Variants in ZBTB24 observed in about 807,000 individuals in gnomAD.
ZBTB24 encodes zinc finger and BTB domain containing 24.
ZBTB24 carries 32 observed loss-of-function variants against 53.8 expected under a neutral mutation model. The ratio of observed to expected loss-of-function variants is 0.60; its 90% confidence interval spans 0.45 to 0.80. ZBTB24 has a LOEUF of 0.80. ZBTB24 is among the 30% of genes least tolerant of loss of function. The pLI is 0.00. For synonymous variants in ZBTB24, 297 were observed against 306.7 expected, an observed-to-expected ratio of 0.97 and a Z score of 0.33; for missense variants, 722 against 837.1, an observed-to-expected ratio of 0.86 and a Z score of 1.70.
intron 5 of ZBTB24, among the ~76,000 whole-genome samples, chr6:109,472,211 C>G (rs977448124): frequency 6.6e-6 from 1 of 152,138 alleles, no homozygotes; most frequent in African/African-American, 2.4e-5. Context: ...AACATTCAAG[C>G]AGATTCTCCA....
intron 2 of ZBTB24, among the ~76,000 whole-genome samples, chr6:109,479,440 C>G (rs1170710704): frequency 2.0e-5 from 3 of 152,198 alleles, no homozygotes; most frequent in Non-Finnish European, 2.9e-5. Flanking sequence ...AAGATCAAAA[C>G]TCAGAATTCA....
At position 109,481,814 on chromosome 6, in the gene ZBTB24, T is replaced by C. The variant is rs1236289479; in HGVS notation, c.213A>G (p.Glu71=). 6.8e-6 allele frequency: 11 copies of C among 1,614,118 alleles called. No homozygotes were observed. Among genetic ancestry groups the C allele is most frequent in the African/African-American group, 1.3e-5 (1 of 74,934 alleles). Residue 71 remains glutamate, a synonymous_variant, in exon 2 of 7, where the codon GAA becomes GAG. Transcript: ENST00000230122. ...YFSMMFAEEG[E]IGQSIYMLEG... is the part of the protein sequence containing the mutation. ...CCAGCATATAAATGGATTGGCCGAT[T>C]TCCCCCTCTTCTGCAAACATCATTG...
intron 5 of ZBTB24, among the ~76,000 whole-genome samples, chr6:109,473,343 C>G (rs1046057050): frequency 6.6e-6 from 1 of 152,112 alleles, no homozygotes; most frequent in African/African-American, 2.4e-5. Context: ...ACGTCTCCAG[C>G]TTGTCAAAAA....
Position 109,466,314 on chromosome 6 carries a change from A to G in ZBTB24, c.1631T>C (p.Leu544Pro), listed in dbSNP as rs1379860931. 1.2e-6 allele frequency: 2 copies of G among 1,614,034 alleles called. No individual in the cohort carries two copies. The highest frequency in any genetic ancestry group is 4.5e-5 in the East Asian group (2 of 44,892). ...RNILQLQPYQLSTSGEQEIQL... is the reference protein window; with the variant it reads ...RNILQLQPYQPSTSGEQEIQL... Reference sequence around the variant, plus strand: ...AATTTCCTGCTCTCCCGAGGTAGAGAGTTGATATGGCTGTAGCTGAAGAAT... The same window carrying G: ...AATTTCCTGCTCTCCCGAGGTAGAGGGTTGATATGGCTGTAGCTGAAGAAT... Residue 544 changes from leucine (L) to proline (P), a missense_variant, in exon 7 of 7, where the codon CTC (leucine) becomes CCC (proline). Transcript: ENST00000230122.
chr6:109,471,120 C>T (rs1458688618), intron 5 of ZBTB24, among the ~76,000 whole-genome samples: 3 of 152,308 alleles, frequency 2.0e-5, no homozygotes, highest in African/African-American at 2.4e-5. Context: ...AATTATATTC[C>T]CACCAACAAT....
intron 3 of ZBTB24, 113 bp downstream of exon 3, chr6:109,476,650 G>C (rs1776283595): frequency 3.5e-6 from 5 of 1,416,626 alleles, no homozygotes; most frequent in Non-Finnish European, 4.8e-6. Flanking sequence ...GTCTTTCAAT[G>C]ACACCACGTT....
In ZBTB24 at chr6:109,463,967, C is replaced by T. The variant is rs549192330; in HGVS notation, c.*1884G>A. The T allele has an allele frequency of 1.2e-4, 19 of 152,172 alleles. No individual in the cohort carries two copies. In the East Asian group the frequency reaches 1.9e-3, roughly 15 times the overall value. 9.4% of individuals were successfully genotyped at this position (152,172 alleles called of 1,614,324 possible). On this transcript the variant is annotated 3_prime_UTR_variant, in exon 7 of 7. Transcript: ENST00000230122. ...CTTGACTTATAAATAGCTATGTAAC[C>T]GTATTTTCTGAATAATCACCTAGCT...
At position 109,483,217 on chromosome 6, in the gene ZBTB24, C is replaced by T. The variant is rs1395258987; in HGVS notation, c.-148G>A. On this transcript the variant is annotated 5_prime_UTR_variant, in exon 1 of 7. Transcript: ENST00000230122. ...CCTGCGCCGCCGCCGCAGCCACAGC[C>T]ACAGCCAACCCGGAAGCGCGGCGCC... 1 of 152,072 alleles carries T rather than the reference C, an allele frequency of 6.6e-6. No individual in the cohort carries two copies. 9.4% of individuals were successfully genotyped at this position (152,072 alleles called of 1,614,324 possible). A position where few individuals can be genotyped will look rare whatever the true frequency, so the allele number is the denominator to read the frequency against.
chr6:109,479,699 G>A (rs1298812355), intron 2 of ZBTB24, among the ~76,000 whole-genome samples: 6 of 152,006 alleles, frequency 3.9e-5, no homozygotes, highest in African/African-American at 1.5e-4. Context: ...GGCAGATCAC[G>A]AGGTCAGGAG....
rs1177241107 is a variant in ZBTB24, at chr6:109,462,787, CA to C, written c.*3063del. ...TGGGAGAAAACCAAAGATTCACCTTCAAAACGAGGTGTTTCAGGAGCCCCAA... is the reference window on the plus strand; with the variant it reads ...TGGGAGAAAACCAAAGATTCACCTTCAAACGAGGTGTTTCAGGAGCCCCAA... On this transcript the variant is annotated 3_prime_UTR_variant, in exon 7 of 7. Coordinates refer to ENST00000230122, the MANE Select transcript of ZBTB24 (RefSeq NM_014797.3). The C allele has an allele frequency of 6.6e-6, 1 of 152,206 alleles. No homozygotes were observed. Among genetic ancestry groups the C allele is most frequent in the Non-Finnish European group, 1.5e-5 (1 of 68,050 alleles). 9.4% of individuals were successfully genotyped at this position (152,206 alleles called of 1,614,324 possible).
At chr6:109,468,749 A>C (rs1326410407) in intron 5 of ZBTB24, among the ~76,000 whole-genome samples, 1 of 152,116 alleles carries the variant, frequency 6.6e-6, no homozygotes, top group Non-Finnish European at 1.5e-5. Flanking sequence ...TGCTGAATGA[A>C]CTTCATGGGA....
rs1361461479 is a variant in ZBTB24 at position 109,481,121 on chromosome 6, G to T, written c.906C>A (p.Val302=). The change falls in exon 2 of 7, where the codon GTC becomes GTA. Residue 302 remains valine (V), a synonymous_variant. Coordinates refer to ENST00000230122, the MANE Select transcript of ZBTB24 (RefSeq NM_014797.3). ...TTGCTAAAAAGTGATTGTACTTAAA[G>T]ACCTTGCCACAGTCTTTACAGCGGG... ...PEARCKDCGK[V]FKYNHFLAIH... 1 of 1,614,078 alleles carries T rather than the reference G, an allele frequency of 6.2e-7. No individual in the cohort carries two copies. Among genetic ancestry groups the T allele is most frequent in the African/African-American group, 1.3e-5 (1 of 74,930 alleles).
Position 109,466,038 on chromosome 6 carries a change from T to A in ZBTB24, c.1907A>T (p.His636Leu). ...TGTTTCCTTGGACAGAGTGATCACG[T>A]GCACTGGCTCTGTTTGTGAGGGCCC... ...QMGPSQTEPV[H>L]VITLSKETLE... is the part of the protein sequence containing the mutation. The change falls in exon 7 of 7, where the codon CAC becomes CTC. Residue 636 changes from histidine (H) to leucine (L), a missense_variant. Physicochemically the swap from His to Leu is moderately conservative, Grantham distance 99. Coordinates refer to ENST00000230122, the MANE Select transcript of ZBTB24 (RefSeq NM_014797.3). 6.2e-7 allele frequency: 1 copy of A among 1,614,232 alleles called. No individual in the cohort carries two copies. The highest frequency in any genetic ancestry group is 1.6e-4 in the Middle Eastern group (1 of 6,062).
intron 2 of ZBTB24, among the ~76,000 whole-genome samples, chr6:109,480,728 G>A (rs944058598): frequency 3.9e-5 from 6 of 152,198 alleles, no homozygotes; most frequent in African/African-American, 1.4e-4. Context: ...AACTACAAAT[G>A]AGAGGGGTTC....
At chr6:109,477,034 A>G (rs1776293288) in intron 2 of ZBTB24, 104 bp from the exon 3 acceptor site, 37 of 1,471,730 alleles carry the variant, frequency 2.5e-5, no homozygotes, top group Non-Finnish European at 3.1e-5. Flanking sequence ...AAAGGCACAC[A>G]TCCAAAAGGC....
At position 109,482,045 on chromosome 6, in the gene ZBTB24, A is replaced by C. The variant is rs373658637; in HGVS notation, c.-19T>G. 38 of 1,609,026 alleles carry C rather than the reference A, an allele frequency of 2.4e-5. No homozygotes were observed. The highest frequency in any genetic ancestry group is 6.7e-5 in the East Asian group (3 of 44,866). On this transcript the variant is annotated 5_prime_UTR_variant, in exon 2 of 7. Transcript: ENST00000230122. ...CTGCCATTTTCTTCAGAAGCCACTA[A>C]GGGTTAAATCTGAAATAAGAAAACA...
rs1776286559 is a variant in ZBTB24 at position 109,476,796 on chromosome 6, G to A, written c.1087C>T (p.His363Tyr). ...AGGCTCATGTGCTCCAGCAGTGAGT[G>A]CTTGGTGGTCAGAGCCTTGCTGCAC... is the stretch of plus-strand genomic sequence containing the variant. ...TVCSKALTTK[H>Y]SLLEHMSLHS... is the part of the protein sequence containing the mutation. Residue 363 changes from histidine (H) to tyrosine (Y), a missense_variant, in exon 3 of 7, where the codon CAC becomes TAC. Physicochemically the swap from His to Tyr is moderately conservative, Grantham distance 83. Coordinates refer to ENST00000230122, the MANE Select transcript of ZBTB24 (RefSeq NM_014797.3). The A allele has an allele frequency of 6.2e-7, 1 of 1,613,888 alleles. No individual in the cohort carries two copies. Among genetic ancestry groups the A allele is most frequent in the Non-Finnish European group, 8.5e-7 (1 of 1,179,972 alleles).
chr6:109,477,926 A>C (rs528752842), intron 2 of ZBTB24, among the ~76,000 whole-genome samples: 37 of 152,342 alleles, frequency 2.4e-4, no homozygotes, highest in Admixed American at 1.7e-3. Context: ...CACCACCTCC[A>C]GTGAGGTTAT....
At chr6:109,468,688 C>T (rs760482456) in intron 5 of ZBTB24, among the ~76,000 whole-genome samples, 1 of 152,058 alleles carries the variant, frequency 6.6e-6, no homozygotes, top group Non-Finnish European at 1.5e-5. Flanking sequence ...ATGTCTGCTC[C>T]TAGTACCCCA....
Sources: gnomAD v4.1 joint callset for allele counts (sites outside exome capture counted in the v4.1 genomes callset) on GRCh38, gnomAD v4.1.1 for gene constraint, MANE v1.5 for transcripts, NCBI Gene and HGNC (gene_info 2026-07-23, HGNC 2026-07-21) for gene names.